The following METTL2B variants were observed in gnomAD, a reference collection of about 807,000 sequenced individuals.
The protein encoded by METTL2B is tRNA N(3)-cytidine methyltransferase METTL2B.
Under a neutral mutation model 51.0 loss-of-function variants are expected in METTL2B, and 28 were observed. That is an observed-to-expected ratio of 0.55 (90% CI 0.41 to 0.75). The LOEUF is 0.75. Ranked by LOEUF, METTL2B falls within the 30% of genes least tolerant of loss-of-function variation. The probability of loss-of-function intolerance (pLI) is 0.00; values close to 1 mark genes in which losing one functional copy is unlikely to be tolerated. For missense variants in METTL2B, 313 were observed against 460.7 expected (o/e 0.68, Z 2.93); for synonymous variants, 128 against 166.3 (o/e 0.77, Z 1.77).
intron 5 of METTL2B, among the ~76,000 whole-genome samples, chr7:128,489,092 C>T (rs1341836193): frequency 2.6e-5 from 4 of 151,336 alleles, no homozygotes; most frequent in Non-Finnish European, 5.9e-5. Context: ...TCCAGCTAGA[C>T]GACAGAGCGA....
At chr7:128,500,452 C>G (rs1438155585) in intron 7 of METTL2B, among the ~76,000 whole-genome samples, 2 of 152,094 alleles carry the variant, frequency 1.3e-5, no homozygotes, top group Non-Finnish European at 2.9e-5. Flanking sequence ...GAAACCTTGT[C>G]TCTACTAAAA....
At position 128,486,357 on chromosome 7, in the gene METTL2B, T is replaced by C. The variant is rs367870348; in HGVS notation, c.609-1744T>C. Among the ~76,000 whole-genome samples, 398 of 152,008 alleles carry C rather than the reference T, an allele frequency of 2.6e-3. 2 individuals are homozygous for C. Among genetic ancestry groups the C allele is most frequent in the African/African-American group, 9.4e-3 (389 of 41,450 alleles). On this transcript the variant is annotated intron_variant, in intron 4 of 8. Coordinates refer to ENST00000262432, the MANE Select transcript of METTL2B (RefSeq NM_018396.3). ...GCTCATGCCTGTAATCTGAACACTT[T>C]GGGAAGCCAAGGTGGGCAGATTACT... is the stretch of plus-strand genomic sequence containing the variant.
At chr7:128,497,266 A>G (rs1211916166) in intron 6 of METTL2B, among the ~76,000 whole-genome samples, 5 of 152,282 alleles carry the variant, frequency 3.3e-5, no homozygotes, top group African/African-American at 1.2e-4. Context: ...TTGCCATGTA[A>G]CTTGTAAGTT....
chr7:128,492,852 A>G (rs1335508624), intron 5 of METTL2B, among the ~76,000 whole-genome samples: 2 of 147,224 alleles, frequency 1.4e-5, no homozygotes, highest in East Asian at 4.2e-4. Context: ...TCCTGACCTC[A>G]TGATCTGCGC....
chr7:128,497,261 A>G (rs989254123), intron 6 of METTL2B, among the ~76,000 whole-genome samples: 3 of 152,188 alleles, frequency 2.0e-5, no homozygotes, highest in Admixed American at 6.6e-5. Context: ...TTGTATTGCC[A>G]TGTAACTTGT....
At chr7:128,483,835 C>T (rs2116845966) in intron 4 of METTL2B, 1 of 152,634 alleles carries the variant, frequency 6.6e-6, no homozygotes, top group South Asian at 2.1e-4. Context: ...AGTGATTCTC[C>T]TGCCTCAGCC....
chr7:128,501,931 C>A lies in METTL2B; in HGVS notation c.*15C>A, dbSNP rs1490874339. 6.2e-7 allele frequency: 1 copy of A among 1,613,434 alleles called. No individual in the cohort carries two copies. The highest frequency in any genetic ancestry group is 1.1e-5 in the South Asian group (1 of 90,998). ...GCACCAGCTAAGAGGCACCTGCTGC[C>A]AACACGATGCAAGCCCGTTGTGTTT... On this transcript the variant is annotated 3_prime_UTR_variant, in exon 9 of 9. Transcript: ENST00000262432.
At position 128,489,545 on chromosome 7, in the gene METTL2B, A is replaced by G. The variant is rs1375556694; in HGVS notation, c.669+1384A>G. 3.3e-5 allele frequency among the ~76,000 whole-genome samples: 5 copies of G among 151,548 alleles called. No individual in the cohort carries two copies. In the East Asian group the frequency reaches 7.7e-4, roughly 23 times the overall value. ...TTTGCTAGTGGAGGGTCTTGCCTTG[A>G]TATTGATGGCTGCTGACTGATCAGG... is the stretch of plus-strand genomic sequence containing the variant. On this transcript the variant is annotated intron_variant, in intron 5 of 8. Coordinates refer to ENST00000262432, the MANE Select transcript of METTL2B (RefSeq NM_018396.3).
rs1211912340 is a variant in METTL2B, at chr7:128,498,713, A to G, written c.916+571A>G. ...AGCTTTTATTAGAAAGACATTTGAA[A>G]GACAGCCGGGCGCAGTGGCTCATGC... On this transcript the variant is annotated intron_variant, in intron 7 of 8. Coordinates refer to ENST00000262432, the MANE Select transcript of METTL2B (RefSeq NM_018396.3). 2.0e-5 allele frequency among the ~76,000 whole-genome samples: 3 copies of G among 152,090 alleles called. No individual in the cohort carries two copies. In the East Asian group the frequency reaches 5.8e-4, roughly 29 times the overall value.
intron 2 of METTL2B, among the ~76,000 whole-genome samples, chr7:128,477,524 G>C (rs1799818214): frequency 6.6e-6 from 1 of 152,130 alleles, no homozygotes; most frequent in African/African-American, 2.4e-5. Context: ...CATTTTCCAT[G>C]AGGAGATGTT....
chr7:128,484,232 T>TTTTTTTTTTTTTGTTTTTTTTTTTTTG (rs1792654248), intron 4 of METTL2B: 1 of 83,558 alleles, frequency 1.2e-5, no homozygotes, highest in Non-Finnish European at 2.2e-5. Flanking sequence ...TTTTTTTTTT[T>TTTTTTTTTTTTTGTTTTTTTTTTTTTG]TTTTTTTTTT....
In METTL2B at chr7:128,502,572, T is replaced by C. The variant is rs1372397198; in HGVS notation, c.*656T>C. Reference sequence around the variant, plus strand: ...CTGTAGACAGCATCAAAATGTGGTGTTCTTGTTAAGTAATTGATCGTGGTC... The same window carrying C: ...CTGTAGACAGCATCAAAATGTGGTGCTCTTGTTAAGTAATTGATCGTGGTC... On this transcript the variant is annotated 3_prime_UTR_variant, in exon 9 of 9. Transcript: ENST00000262432. 3 of 454,088 alleles carry C rather than the reference T, an allele frequency of 6.6e-6. No individual in the cohort carries two copies. The highest frequency in any genetic ancestry group is 1.4e-4 in the East Asian group (2 of 14,386). 28.1% of individuals were successfully genotyped at this position (454,088 alleles called of 1,614,324 possible).
rs1013350785 is a variant in METTL2B at position 128,501,330 on chromosome 7, G to A, written c.982+362G>A. On this transcript the variant is annotated intron_variant, in intron 8 of 8. Transcript: ENST00000262432. ...TCAGGGTGAACCCTGGGTTCTAGGG[G>A]TGCCGGGAACTGCTCTCCTCTGCAA... 4.1e-6 allele frequency: 4 copies of A among 985,356 alleles called. No homozygotes were observed. The African/African-American group carries it at 7.0e-5, about 17-fold the overall frequency. The allele number at this position is 985,356 out of a possible 1,614,324, so 61.0% of individuals were successfully genotyped here.
In METTL2B at chr7:128,479,450, T is replaced by C. The variant is rs1297725824; in HGVS notation, c.495T>C (p.Ile165=). 2 of 1,614,008 alleles carry C rather than the reference T, an allele frequency of 1.2e-6. No homozygotes were observed. Among genetic ancestry groups the C allele is most frequent in the Admixed American group, 1.7e-5 (1 of 60,004 alleles). ...PPVEENVTQK[I]SDLEICADEF... ...TGGAGGAGAATGTAACTCAGAAAATTAGTGACCTGGAAATTTGTGCTGATG... is the reference window on the plus strand; with the variant it reads ...TGGAGGAGAATGTAACTCAGAAAATCAGTGACCTGGAAATTTGTGCTGATG... The change falls in exon 3 of 9, where the codon ATT becomes ATC. Residue 165 remains isoleucine (I), a synonymous_variant. Coordinates refer to ENST00000262432, the MANE Select transcript of METTL2B (RefSeq NM_018396.3).
rs371852462 is a variant in METTL2B, at chr7:128,488,185, A to G, written c.669+24A>G. On this transcript the variant is annotated intron_variant, in intron 5 of 8. Transcript: ENST00000262432. Reference sequence around the variant, plus strand: ...AGGTGAGTACGATGGGAAATTACCTATTGGTAATTTCCACTGATTAAAGGG... The same window carrying G: ...AGGTGAGTACGATGGGAAATTACCTGTTGGTAATTTCCACTGATTAAAGGG... 143 of 1,611,336 alleles carry G rather than the reference A, an allele frequency of 8.9e-5. No homozygotes were observed. The African/African-American group carries it at 1.5e-3, about 17-fold the overall frequency.
At chr7:128,485,383 G>C (rs867941040) in intron 4 of METTL2B, among the ~76,000 whole-genome samples, 3 of 152,088 alleles carry the variant, frequency 2.0e-5, no homozygotes, top group East Asian at 1.9e-4. Context: ...AAAATTAGCC[G>C]CCTGGTGCTG....
chr7:128,477,127 A>G lies in METTL2B; in HGVS notation c.156A>G (p.Arg52=), dbSNP rs1427441452. ...AAGAGCAAGCCGCGGCGGCGGAGAG[A>G]AAAGTCCAGGAGAACAGTATCCAGC... ...WSEEQAAAAE[R]KVQENSIQRV... The change falls in exon 2 of 9, where the codon AGA becomes AGG. Residue 52 remains arginine (R), a synonymous_variant. Coordinates refer to ENST00000262432, the MANE Select transcript of METTL2B (RefSeq NM_018396.3). 1 of 1,613,884 alleles carries G rather than the reference A, an allele frequency of 6.2e-7. No individual in the cohort carries two copies. The highest frequency in any genetic ancestry group is 8.5e-7 in the Non-Finnish European group (1 of 1,179,946).
chr7:128,479,096 C>T (rs2896397), intron 2 of METTL2B, 62 bp from the exon 3 acceptor site: 4 of 1,463,590 alleles, frequency 2.7e-6, no homozygotes, highest in Admixed American at 2.1e-5. Flanking sequence ...GGATAATTGA[C>T]GTTAGATATA....
intron 5 of METTL2B, among the ~76,000 whole-genome samples, 192 bp from the exon 6 acceptor site, chr7:128,493,612 C>T (rs1429849028): frequency 2.0e-5 from 3 of 152,090 alleles, no homozygotes; most frequent in African/African-American, 4.8e-5. Context: ...GTGATCCTAT[C>T]GCGTGAACCC....
Sources: gnomAD v4.1 joint callset for allele counts (sites outside exome capture counted in the v4.1 genomes callset) on GRCh38, gnomAD v4.1.1 for gene constraint, MANE v1.5 for transcripts, NCBI Gene and HGNC (gene_info 2026-07-23, HGNC 2026-07-21) for gene names.